Variants in RNF14 observed in about 807,000 individuals in gnomAD.
The protein encoded by RNF14 is E3 ubiquitin-protein ligase RNF14.
A neutral mutation model predicts 52.6 loss-of-function variants in RNF14; 26 were observed. That is an observed-to-expected ratio of 0.49 (90% CI 0.36 to 0.69). The LOEUF is 0.69. Ranked by LOEUF, RNF14 falls within the 30% of genes least tolerant of loss-of-function variation. The probability of loss-of-function intolerance (pLI) is 0.00; values close to 1 mark genes in which losing one functional copy is unlikely to be tolerated. For synonymous variants in RNF14, 194 were observed against 202.0 expected (o/e 0.96, Z 0.34); for missense variants, 404 against 560.4 (o/e 0.72, Z 2.82).
chr5:141,951,708 G>A, the RNF14 span: 22 of 775,644 alleles, frequency 2.8e-5, no homozygotes, highest in African/African-American at 8.5e-5. Flanking sequence ...GGCTTCAGAT[G>A]TTTGTGTGAT....
chr5:141,952,863 C>T, the RNF14 span: 2 of 152,232 alleles, frequency 1.3e-5, no homozygotes, highest in Non-Finnish European at 2.9e-5. Context: ...CTGGGTCCAT[C>T]CCCATTCCTC....
At chr5:141,985,993 T>G (rs1379697767) in intron 8 of RNF14, among the ~76,000 whole-genome samples, 1 of 152,220 alleles carries the variant, frequency 6.6e-6, no homozygotes, top group Non-Finnish European at 1.5e-5. Context: ...TGAAGCTTGA[T>G]TCGATTTAGA....
chr5:141,972,295 T>C (rs1322008440), intron 2 of RNF14, among the ~76,000 whole-genome samples: 1 of 151,776 alleles, frequency 6.6e-6, no homozygotes, highest in Non-Finnish European at 1.5e-5. Context: ...AGTGGTGCTA[T>C]CATGGCTCAC....
At chr5:141,959,444 C>T (rs1016233402) in intron 1 of RNF14, among the ~76,000 whole-genome samples, 2 of 152,174 alleles carry the variant, frequency 1.3e-5, no homozygotes, top group African/African-American at 2.4e-5. Context: ...TTGCTGCCCC[C>T]AACATTCTCC....
Position 141,974,968 on chromosome 5 carries a change from A to C in RNF14, c.306+13A>C. Reference sequence around the variant, plus strand: ...GTCACCAACTCAGGTTAGACTTGAAACTTAATTTTTCCTATCCATTTTTAG... The same window carrying C: ...GTCACCAACTCAGGTTAGACTTGAACCTTAATTTTTCCTATCCATTTTTAG... On this transcript the variant is annotated intron_variant, in intron 4 of 8. Coordinates refer to ENST00000394520, the MANE Select transcript of RNF14 (RefSeq NM_004290.5). 6.2e-7 allele frequency: 1 copy of C among 1,610,646 alleles called. No homozygotes were observed. Among genetic ancestry groups the C allele is most frequent in the Non-Finnish European group, 8.5e-7 (1 of 1,179,018 alleles).
At chr5:141,973,278 G>A (rs1323974720) in intron 2 of RNF14, among the ~76,000 whole-genome samples, 2 of 134,340 alleles carry the variant, frequency 1.5e-5, no homozygotes, top group East Asian at 2.2e-4. Flanking sequence ...CACTCTTGTC[G>A]CCCAGGCTGG....
upstream of RNF14, among the ~76,000 whole-genome samples, chr5:141,954,060 C>T (rs1304027710): frequency 1.3e-5 from 2 of 152,216 alleles, no homozygotes; most frequent in Non-Finnish European, 2.9e-5. Flanking sequence ...ATTTAGCCCT[C>T]ACACTCTAAG....
At chr5:141,953,878 G>C (rs138696400), upstream of RNF14, among the ~76,000 whole-genome samples, 17 of 152,356 alleles carry the variant, frequency 1.1e-4, no homozygotes, top group African/African-American at 4.1e-4. Context: ...AACCTGAGCT[G>C]ATAGCCTGGC....
At chr5:141,956,255 A>C (rs1753181985), upstream of RNF14, 1 of 1,613,998 alleles carries the variant, frequency 6.2e-7, no homozygotes, top group Non-Finnish European at 8.5e-7. Context: ...ATCACCTGGA[A>C]CTCAAAGCCG....
chr5:141,983,687 G>T, intron 7 of RNF14, 135 bp downstream of exon 7: 1 of 726,038 alleles, frequency 1.4e-6, no homozygotes, highest in Non-Finnish European at 2.2e-6. Flanking sequence ...CGTGGAAGGT[G>T]GAAATTTCAC....
At chr5:141,967,505 T>G (rs1166103337), upstream of RNF14, among the ~76,000 whole-genome samples, 1 of 152,110 alleles carries the variant, frequency 6.6e-6, no homozygotes, top group Non-Finnish European at 1.5e-5. Flanking sequence ...CCAAAGTCCA[T>G]TGTATCATTC....
chr5:141,951,255 A>G, the RNF14 span, among the ~76,000 whole-genome samples: 20 of 152,214 alleles, frequency 1.3e-4, no homozygotes, highest in Admixed American at 1.3e-3. Context: ...TACTGTATTG[A>G]TGGTATTTAT....
chr5:141,955,314 G>A (rs1300413809), upstream of RNF14: 3 of 1,614,192 alleles, frequency 1.9e-6, no homozygotes, highest in Admixed American at 5.0e-5. The surrounding 1 kb of genome is among the most constrained non-coding windows in gnomAD (Gnocchi z 5.5). Flanking sequence ...AAAGGAGGTT[G>A]ACCGTGTCTT....
At chr5:141,957,378 T>A (rs746713952), upstream of RNF14, 27 of 1,613,708 alleles carry the variant, frequency 1.7e-5, no homozygotes, top group Non-Finnish European at 2.1e-5. The surrounding 1 kb of genome is among the most constrained non-coding windows in gnomAD (Gnocchi z 4.3). Flanking sequence ...GGTCAAGAGC[T>A]CTGTCCAGGG....
At chr5:141,957,749 G>A (rs745752449), upstream of RNF14, 1 of 1,612,790 alleles carries the variant, frequency 6.2e-7, no homozygotes, top group African/African-American at 1.3e-5. The surrounding 1 kb of genome is among the most constrained non-coding windows in gnomAD (Gnocchi z 4.3). Context: ...TCTGACACTT[G>A]GTATTTCACC....
upstream of RNF14, among the ~76,000 whole-genome samples, chr5:141,954,227 A>G (rs1753138041): frequency 6.6e-6 from 1 of 152,200 alleles, no homozygotes. Context: ...GTTCTAAGGT[A>G]ATTTCCACTG....
the RNF14 span, among the ~76,000 whole-genome samples, chr5:141,951,212 C>T: frequency 6.6e-6 from 1 of 152,192 alleles, no homozygotes; most frequent in Non-Finnish European, 1.5e-5. Flanking sequence ...GGGACAAATA[C>T]AGTCTCAGGG....
At chr5:141,971,270 C>T (rs1753718678) in intron 2 of RNF14, among the ~76,000 whole-genome samples, 1 of 152,224 alleles carries the variant, frequency 6.6e-6, no homozygotes, top group Non-Finnish European at 1.5e-5. Context: ...GAGACAAGGT[C>T]TTGCTCTGTC....
the RNF14 span, among the ~76,000 whole-genome samples, chr5:141,951,953 G>C: frequency 4.7e-4 from 71 of 152,364 alleles, no homozygotes; most frequent in African/African-American, 1.6e-3. Context: ...TTATCTTAAA[G>C]AGTTATGTTC....
Sources: gnomAD v4.1 joint callset for allele counts (sites outside exome capture counted in the v4.1 genomes callset) on GRCh38, gnomAD v4.1.1 for gene constraint, Gnocchi (gnomAD v3.1) non-coding constraint, MANE v1.5 for transcripts, NCBI Gene and HGNC (gene_info 2026-07-23, HGNC 2026-07-21) for gene names.